Variants in STIL observed in about 807,000 individuals in gnomAD.
STIL encodes the protein SCL-interrupting locus protein.
In STIL, 55 loss-of-function variants were observed where a neutral mutation model predicts 110.1. The observed-to-expected ratio is 0.50, with a 90% CI of 0.40 to 0.63. The LOEUF (loss-of-function observed/expected upper bound fraction) is 0.63, where lower values mean the gene tolerates loss of function less well. Ranked by LOEUF, STIL falls within the 20% of genes least tolerant of loss-of-function variation. The pLI, the probability that STIL is intolerant of heterozygous loss-of-function variation, is 0.00. For synonymous variants in STIL, 481 were observed against 530.0 expected, an observed-to-expected ratio of 0.91 and a Z score of 1.27; for missense variants, 1,358 against 1,530.0, an observed-to-expected ratio of 0.89 and a Z score of 1.87.
chr1:47,290,604 G>A (rs565781031), intron 8 of STIL, among the ~76,000 whole-genome samples: 2 of 152,010 alleles, frequency 1.3e-5, no homozygotes, highest in Admixed American at 6.6e-5. Context: ...TCGGGAGGCT[G>A]AGGCAGGAGA....
At chr1:47,285,994 C>T (rs556821360) in intron 10 of STIL, among the ~76,000 whole-genome samples, 2 of 152,010 alleles carry the variant, frequency 1.3e-5, no homozygotes, top group East Asian at 1.9e-4. Context: ...CCCACTTCAG[C>T]GTACCGAGTA....
chr1:47,252,042 A>T (rs1644199480), intron 16 of STIL, 120 bp from the exon 17 acceptor site: 1 of 1,002,074 alleles, frequency 1.0e-6, no homozygotes, highest in African/African-American at 1.6e-5. Context: ...TGGTCCTTTT[A>T]TCTAACTACT....
intron 10 of STIL, chr1:47,283,971 T>C (rs539544250): frequency 6.6e-6 from 1 of 152,256 alleles, no homozygotes; most frequent in Non-Finnish European, 1.5e-5. Flanking sequence ...TGACTTCAGT[T>C]CACAGCAACC....
chr1:47,251,909 T>C lies in STIL; in HGVS notation c.3094A>G (p.Ile1032Val), dbSNP rs1211136719. ...CCAGAGATCACTGCTTCTGGGCTGA[T>C]GCATGCCAACACACTGAAAGACACA... is the stretch of plus-strand genomic sequence containing the variant. The part of the protein sequence containing the change: ...NVDHASVLAC[I>V]SPEAVISGLN... The change falls in exon 17 of 17, where the codon ATC becomes GTC. Residue 1032 changes from isoleucine (I) to valine (V), a missense_variant. Transcript: ENST00000371877. 1.9e-6 allele frequency: 3 copies of C among 1,611,492 alleles called. No individual in the cohort carries two copies. The highest frequency in any genetic ancestry group is 2.2e-5 in the East Asian group (1 of 44,884).
intron 2 of STIL, among the ~76,000 whole-genome samples, chr1:47,309,959 G>A (rs1457285751): frequency 1.3e-5 from 2 of 152,106 alleles, no homozygotes; most frequent in African/African-American, 4.8e-5. Flanking sequence ...TCTATATTAC[G>A]AAAATAATTG....
intron 2 of STIL, among the ~76,000 whole-genome samples, chr1:47,308,855 AC>A (rs966154290): frequency 2.0e-4 from 30 of 152,136 alleles, no homozygotes; most frequent in African/African-American, 7.2e-4. Flanking sequence ...GGATTTCAAG[AC>A]CAGCCTGGCC....
At chr1:47,261,908 A>T (rs1389891040) in intron 15 of STIL, among the ~76,000 whole-genome samples, 4 of 139,608 alleles carry the variant, frequency 2.9e-5, no homozygotes, top group Non-Finnish European at 6.3e-5. Flanking sequence ...ACTCTGTCTC[A>T]AAAAAAAAAA....
At chr1:47,314,474 G>A (rs1221029623), upstream of STIL, among the ~76,000 whole-genome samples, 1 of 152,234 alleles carries the variant, frequency 6.6e-6, no homozygotes, top group Non-Finnish European at 1.5e-5. Flanking sequence ...GGAGGAGCGA[G>A]TGGCAGATGA....
At chr1:47,273,148 G>A (rs1239880179) in intron 12 of STIL, among the ~76,000 whole-genome samples, 2 of 152,146 alleles carry the variant, frequency 1.3e-5, no homozygotes, top group Admixed American at 1.3e-4. Context: ...TAACTAACAA[G>A]TAGCAAATCT....
chr1:47,273,588 T>C (rs1644903476), intron 12 of STIL, among the ~76,000 whole-genome samples: 1 of 152,250 alleles, frequency 6.6e-6, no homozygotes, highest in Non-Finnish European at 1.5e-5. Flanking sequence ...CATTGTGCTT[T>C]TCCACTCATC....
chr1:47,298,790 C>A (rs1645714777), intron 6 of STIL, among the ~76,000 whole-genome samples: 1 of 152,076 alleles, frequency 6.6e-6, no homozygotes, highest in African/African-American at 2.4e-5. Flanking sequence ...GCCGCCCACA[C>A]TGAAGTGCAA....
intron 2 of STIL, among the ~76,000 whole-genome samples, chr1:47,308,161 A>T (rs992594709): frequency 2.0e-5 from 3 of 152,014 alleles, no homozygotes; most frequent in African/African-American, 7.2e-5. Context: ...TGTCACCCAC[A>T]CCTATTCGCA....
intron 14 of STIL, among the ~76,000 whole-genome samples, chr1:47,265,245 A>AAAAC (rs894104588): frequency 6.7e-6 from 1 of 150,232 alleles, no homozygotes; most frequent in Non-Finnish European, 1.5e-5. Context: ...CCCAAAAAAA[A>AAAAC]AAAAAAAAAA....
At chr1:47,285,454 T>C (rs1313264235) in intron 10 of STIL, among the ~76,000 whole-genome samples, 2 of 152,156 alleles carry the variant, frequency 1.3e-5, no homozygotes, top group Non-Finnish European at 1.5e-5. Context: ...TAATACAAGA[T>C]AATATCTTTT....
chr1:47,270,255 T>TATATACAC lies in STIL; in HGVS notation c.2384-390_2384-389insGTGTATAT, dbSNP rs775684329. Among the ~76,000 whole-genome samples, 332 of 119,370 alleles carry TATATACAC rather than the reference T, an allele frequency of 2.8e-3. 1 individual carries two copies. Among genetic ancestry groups the TATATACAC allele is most frequent in the African/African-American group, 9.6e-3 (291 of 30,346 alleles). 78.3% of individuals were successfully genotyped at this position (119,370 alleles called of 152,430 possible). On this transcript the variant is annotated intron_variant, in intron 13 of 16. Coordinates refer to ENST00000371877, the MANE Select transcript of STIL (RefSeq NM_001048166.1). ...AAAAAAAAAAAAATATATATATATA[T>TATATACAC]ACACACACACACACACACACACACA... is the stretch of plus-strand genomic sequence containing the variant.
chr1:47,270,073 C>CA (rs965164263), intron 13 of STIL, among the ~76,000 whole-genome samples: 2 of 150,846 alleles, frequency 1.3e-5, no homozygotes, highest in Non-Finnish European at 3.0e-5. Context: ...CCTGTCTCTA[C>CA]AAAAAAAATA....
At chr1:47,285,020 C>CTTT (rs35801422) in intron 10 of STIL, among the ~76,000 whole-genome samples, 23,774 of 134,416 alleles carry the variant, frequency 0.18, 2,628 homozygotes, top group East Asian at 0.5. Context: ...CATTTTTTGT[C>CTTT]TTTTTTTTTT....
intron 10 of STIL, among the ~76,000 whole-genome samples, chr1:47,284,750 C>T (rs746882915): frequency 1.3e-5 from 2 of 151,918 alleles, no homozygotes; most frequent in East Asian, 1.9e-4. Flanking sequence ...ATTAGCCGGG[C>T]GTGGTGATGC....
intron 7 of STIL, among the ~76,000 whole-genome samples, chr1:47,295,422 A>C (rs576807275): frequency 6.6e-6 from 1 of 152,044 alleles, no homozygotes; most frequent in South Asian, 2.1e-4. Context: ...TCTACTAAAA[A>C]AGCAAAAATT....
Sources: allele counts gnomAD v4.1 joint callset (sites outside exome capture counted in the v4.1 genomes callset), GRCh38; gene constraint gnomAD v4.1.1; transcripts MANE v1.5; gene names NCBI Gene and HGNC (gene_info 2026-07-23, HGNC 2026-07-21).